The following EPHA4 variants were observed in gnomAD, a reference collection of about 807,000 sequenced individuals.
The protein encoded by EPHA4 is ephrin type-A receptor 4.
A neutral mutation model predicts 108.3 loss-of-function variants in EPHA4; 19 were observed. The observed-to-expected ratio is 0.18, with a 90% CI of 0.12 to 0.26. The LOEUF (loss-of-function observed/expected upper bound fraction) is 0.26, where lower values mean the gene tolerates loss of function less well. Ranked by LOEUF, EPHA4 falls within the 10% of genes least tolerant of loss-of-function variation. The pLI is 1.00. For synonymous variants in EPHA4, 449 were observed against 455.5 expected (o/e 0.99, Z 0.18); for missense variants, 917 against 1,254.0 (o/e 0.73, Z 4.06).
At chr2:221,557,307 T>C (rs1044735049) in intron 3 of EPHA4, among the ~76,000 whole-genome samples, 5 of 152,158 alleles carry the variant, frequency 3.3e-5, no homozygotes, top group Non-Finnish European at 7.3e-5. Context: ...CAAAAAACTC[T>C]CTACTCTGGA....
chr2:221,505,818 G>C (rs1692614219), intron 3 of EPHA4, among the ~76,000 whole-genome samples: 1 of 152,112 alleles, frequency 6.6e-6, no homozygotes, highest in Admixed American at 6.5e-5. Context: ...AATCCCCCAA[G>C]GACCTGTTTT....
chr2:221,560,969 G>A (rs765329889), intron 3 of EPHA4, among the ~76,000 whole-genome samples: 17 of 152,118 alleles, frequency 1.1e-4, no homozygotes, highest in Admixed American at 3.3e-4. Context: ...CTGGCTGGGC[G>A]CGGTGGCTCA....
intron 5 of EPHA4, among the ~76,000 whole-genome samples, chr2:221,465,463 G>T (rs1366212796): frequency 6.6e-6 from 1 of 152,148 alleles, no homozygotes; most frequent in Non-Finnish European, 1.5e-5. Context: ...CACGTTAATT[G>T]TTTGCATAGG....
chr2:221,538,441 T>C (rs1055140658), intron 3 of EPHA4, among the ~76,000 whole-genome samples: 1 of 152,254 alleles, frequency 6.6e-6, no homozygotes, highest in Non-Finnish European at 1.5e-5. Context: ...CCTAGAGCTA[T>C]TAGATTAATT....
intron 17 of EPHA4, among the ~76,000 whole-genome samples, chr2:221,423,736 C>T (rs62178650): frequency 2.0e-5 from 3 of 151,562 alleles, no homozygotes; most frequent in African/African-American, 7.3e-5. Context: ...TTAGAAAATA[C>T]CTTGTCTTAA....
intron 3 of EPHA4, chr2:221,532,964 A>C (rs1387999977): frequency 1.3e-5 from 2 of 152,208 alleles, no homozygotes; most frequent in African/African-American, 4.8e-5. Context: ...GGCCTTCTGT[A>C]GGGGGAGTCG....
chr2:221,469,849 A>G (rs1191737331), intron 5 of EPHA4, among the ~76,000 whole-genome samples: 2 of 152,114 alleles, frequency 1.3e-5, no homozygotes, highest in East Asian at 1.9e-4. Context: ...AAGCCATCCA[A>G]TTCTCCATCA....
chr2:221,502,682 A>C, intron 3 of EPHA4: 1 of 445,258 alleles, frequency 2.2e-6, no homozygotes, highest in Non-Finnish European at 4.6e-6. Flanking sequence ...CATTTTCTTA[A>C]TCATACTCTT....
intron 2 of EPHA4, among the ~76,000 whole-genome samples, chr2:221,567,830 T>C (rs1218049612): frequency 6.6e-6 from 1 of 152,198 alleles, no homozygotes; most frequent in Non-Finnish European, 1.5e-5. Context: ...ACCCCCATTG[T>C]TTTTAATCAA....
chr2:221,515,494 CTT>C (rs1180857336), intron 3 of EPHA4, among the ~76,000 whole-genome samples: 1 of 152,162 alleles, frequency 6.6e-6, no homozygotes, highest in East Asian at 1.9e-4. Context: ...AAAAAGTACT[CTT>C]AATCAACAAT....
At chr2:221,477,608 T>C (rs114868127) in intron 5 of EPHA4, among the ~76,000 whole-genome samples, 1 of 151,944 alleles carries the variant, frequency 6.6e-6, no homozygotes, top group South Asian at 2.1e-4. Context: ...CTTACTGTTT[T>C]CCCCCCGCAA....
intron 4 of EPHA4, among the ~76,000 whole-genome samples, chr2:221,491,462 TG>T (rs1692141908): frequency 6.6e-6 from 1 of 152,198 alleles, no homozygotes; most frequent in South Asian, 2.1e-4. Context: ...CGCAAAGCTG[TG>T]ATCAGAAACC....
intron 4 of EPHA4, among the ~76,000 whole-genome samples, chr2:221,492,401 T>A (rs1692172758): frequency 6.6e-6 from 1 of 152,130 alleles, no homozygotes; most frequent in Non-Finnish European, 1.5e-5. Context: ...TGATACCTGA[T>A]CTTTATGAAA....
At chr2:221,552,560 T>A (rs570737942) in intron 3 of EPHA4, among the ~76,000 whole-genome samples, 1 of 152,332 alleles carries the variant, frequency 6.6e-6, no homozygotes, top group East Asian at 1.9e-4. Context: ...AAGGTATTGA[T>A]CCATTCTTTT....
At chr2:221,484,532 A>G (rs894648490) in intron 4 of EPHA4, among the ~76,000 whole-genome samples, 2 of 152,240 alleles carry the variant, frequency 1.3e-5, no homozygotes, top group Non-Finnish European at 1.5e-5. Flanking sequence ...ACTTCACATA[A>G]GTCCTCAGAG....
At chr2:221,515,146 A>G (rs566391500) in intron 3 of EPHA4, among the ~76,000 whole-genome samples, 44 of 152,256 alleles carry the variant, frequency 2.9e-4, no homozygotes, top group South Asian at 8.3e-4. Context: ...GCCAGGCTGG[A>G]GTACAATGGC....
chr2:221,496,135 G>T (rs912232868), intron 4 of EPHA4, among the ~76,000 whole-genome samples: 6 of 152,178 alleles, frequency 3.9e-5, no homozygotes, highest in Non-Finnish European at 8.8e-5. Context: ...GGGGCAGCGT[G>T]CGAGTGGGGA....
chr2:221,514,063 C>T (rs756648525), intron 3 of EPHA4, among the ~76,000 whole-genome samples: 4 of 147,180 alleles, frequency 2.7e-5, no homozygotes, highest in Non-Finnish European at 5.9e-5. Context: ...CCCTTTCCCA[C>T]GGACTCAGTT....
At chr2:221,462,713 TATAAATG>T (rs1454542966) in intron 5 of EPHA4, among the ~76,000 whole-genome samples, 1 of 152,170 alleles carries the variant, frequency 6.6e-6, no homozygotes, top group Non-Finnish European at 1.5e-5. Context: ...CAACTCTAAT[TATAAATG>T]GAGTCTCTGT....
Sources: gnomAD v4.1 joint callset for allele counts (sites outside exome capture counted in the v4.1 genomes callset) on GRCh38, gnomAD v4.1.1 for gene constraint, MANE v1.5 for transcripts, NCBI Gene and HGNC (gene_info 2026-07-23, HGNC 2026-07-21) for gene names.